Variants in MUC12 observed in about 807,000 individuals in gnomAD.
MUC12 encodes the protein mucin 12, cell surface associated.
MUC12 carries 172 observed loss-of-function variants against 230.8 expected under a neutral mutation model. The observed-to-expected ratio is 0.75, with a 90% CI of 0.66 to 0.85. MUC12 has a LOEUF of 0.85. MUC12 is among the 40% of genes least tolerant of loss of function. The pLI is 0.00. For synonymous variants in MUC12, 1,259 were observed against 2,401.9 expected (o/e 0.52, Z 13.91); for missense variants, 3,506 against 5,920.6 (o/e 0.59, Z 13.38).
chr7:100,970,813 C>T (rs1251560719), intron 1 of MUC12, among the ~76,000 whole-genome samples: 3 of 152,008 alleles, frequency 2.0e-5, no homozygotes, highest in South Asian at 2.1e-4. Flanking sequence ...CTGGCTAACA[C>T]GGTGAAACCC....
Position 100,991,720 on chromosome 7 carries a change from C to A in MUC12, c.1157C>A (p.Ser386Ter). The A allele has an allele frequency of 1.3e-6, 2 of 1,538,004 alleles. No homozygotes were observed. Among genetic ancestry groups the A allele is most frequent in the Non-Finnish European group, 8.7e-7 (1 of 1,147,078 alleles). The change falls in exon 2 of 12, where the codon TCA (serine) becomes TAA (stop). Residue 386 changes from serine (S) to a stop codon, truncating the protein, a stop_gained. Transcript: ENST00000536621. LOFTEE classifies it high-confidence loss of function. ...SSTTSGHSEE[S>*]ATFHGSTTHT... is the part of the protein sequence containing the mutation. ...ACAACTTCAGGCCATAGTGAAGAAT[C>A]AGCAACTTTCCACGGCAGCACAACA...
intron 1 of MUC12, among the ~76,000 whole-genome samples, chr7:100,977,128 T>G (rs140830687): frequency 3.3e-5 from 5 of 150,444 alleles, no homozygotes; most frequent in African/African-American, 1.2e-4. Context: ...GAGTCAGGAT[T>G]TGAACCTAAG....
In MUC12 at chr7:100,997,289, C is replaced by T; in HGVS notation, c.6726C>T (p.Thr2242=). ...TTPGLSEEST[T]VYSSSPGSTE... is the part of the protein sequence containing the mutation. ...CAGGCCTCAGTGAGGAATCTACCAC[C>T]GTCTACAGCAGCAGCCCAGGCTCAA... is the stretch of plus-strand genomic sequence containing the variant. Residue 2242 remains threonine (T), a synonymous_variant, in exon 2 of 12, where the codon ACC becomes ACT. Transcript: ENST00000536621. 2.5e-5 allele frequency: 6 copies of T among 238,756 alleles called. 1 individual carries two copies. Among genetic ancestry groups the T allele is most frequent in the Admixed American group, 3.1e-4 (1 of 3,240 alleles). The allele number at this position is 238,756 out of a possible 1,614,324, so 14.8% of individuals were successfully genotyped here.
chr7:100,992,496 C>G lies in MUC12; in HGVS notation c.1933C>G (p.Pro645Ala). ...HSWPSSKDTR[P>A]APPTTTSAFV... ...CTGGCCAAGCTCAAAGGACACTAGG[C>G]CTGCACCTCCTACTACCACATCAGC... Residue 645 changes from proline (P) to alanine (A), a missense_variant, in exon 2 of 12, where the codon CCT becomes GCT. By Grantham distance (27) the Pro-to-Ala change is conservative. Coordinates refer to ENST00000536621, the MANE Select transcript of MUC12 (RefSeq NM_001164462.2). The G allele has an allele frequency of 6.5e-7, 1 of 1,537,932 alleles. No individual in the cohort carries two copies. The highest frequency in any genetic ancestry group is 8.7e-7 in the Non-Finnish European group (1 of 1,147,046).
At chr7:100,990,083 G>A (rs1793254682) in intron 1 of MUC12, among the ~76,000 whole-genome samples, 1 of 152,186 alleles carries the variant, frequency 6.6e-6, no homozygotes, top group African/African-American at 2.4e-5. Flanking sequence ...TTCCACAGAA[G>A]GCACAAGGGT....
At chr7:100,986,984 C>A (rs191993296) in intron 1 of MUC12, among the ~76,000 whole-genome samples, 3 of 151,838 alleles carry the variant, frequency 2.0e-5, no homozygotes, top group Admixed American at 6.6e-5. Context: ...AAAATGGAAT[C>A]CTACACGTAC....
chr7:101,006,563 T>A lies in MUC12; in HGVS notation c.15049T>A (p.Phe5017Ile). 1 of 1,536,132 alleles carries A rather than the reference T, an allele frequency of 6.5e-7. No individual in the cohort carries two copies. The highest frequency in any genetic ancestry group is 8.7e-7 in the Non-Finnish European group (1 of 1,145,888). Residue 5017 changes from phenylalanine to isoleucine, a missense_variant, in exon 3 of 12, where the codon TTC (phenylalanine) becomes ATC (isoleucine). Physicochemically the swap from Phe to Ile is conservative, Grantham distance 21 (BLOSUM62 0). Coordinates refer to ENST00000536621, the MANE Select transcript of MUC12 (RefSeq NM_001164462.2). ...CCAGTGCTTGTCCCCTCTGGAATCCTTCCCTGTAGGTAATGACCTTTTCTG... is the reference window on the plus strand; with the variant it reads ...CCAGTGCTTGTCCCCTCTGGAATCCATCCCTGTAGGTAATGACCTTTTCTG... ...GYQCLSPLES[F>I]PVETPEKLNA...
chr7:100,975,752 A>G (rs1793019922), intron 1 of MUC12, among the ~76,000 whole-genome samples: 1 of 152,360 alleles, frequency 6.6e-6, no homozygotes, highest in East Asian at 1.9e-4. Context: ...GGAAGGAAGT[A>G]TTATATTAAC....
In MUC12 at chr7:100,992,873, G is replaced by C. The variant is rs369160385; in HGVS notation, c.2310G>C (p.Ser770=). Residue 770 remains serine, a synonymous_variant, in exon 2 of 12, where the codon TCG becomes TCC. Transcript: ENST00000536621. The part of the protein sequence containing the change: ...TSGRSEESTA[S]HSSQDATGTI... ...GCCGTAGTGAGGAATCAACAGCATC[G>C]CACAGCAGCCAAGACGCAACGGGAA... 5.3e-4 allele frequency: 807 copies of C among 1,534,260 alleles called. 3 individuals carry two copies. Among genetic ancestry groups the C allele is most frequent in the East Asian group, 2.5e-3 (100 of 40,418 alleles).
At position 100,991,492 on chromosome 7, in the gene MUC12, G is replaced by T; in HGVS notation, c.929G>T (p.Ser310Ile). Residue 310 changes from serine to isoleucine, a missense_variant, in exon 2 of 12, where the codon AGC becomes ATC. Physicochemically the swap from Ser to Ile is moderately radical, Grantham distance 142. Coordinates refer to ENST00000536621, the MANE Select transcript of MUC12 (RefSeq NM_001164462.2). ...TCTACAACTTATCACAGCAGCCCGA[G>T]CTCAACTCCAACAACCCACTTTTCT... ...KLSTTYHSSP[S>I]STPTTHFSAS... The T allele has an allele frequency of 6.5e-7, 1 of 1,537,238 alleles. No individual in the cohort carries two copies. The highest frequency in any genetic ancestry group is 8.7e-7 in the Non-Finnish European group (1 of 1,146,696).
intron 1 of MUC12, among the ~76,000 whole-genome samples, chr7:100,977,852 G>A (rs1036897114): frequency 2.0e-5 from 3 of 152,200 alleles, no homozygotes; most frequent in East Asian, 3.9e-4. Flanking sequence ...ACAAGCGTGA[G>A]CCACCGTGCC....
Position 100,990,582 on chromosome 7 carries a change from G to A in MUC12, c.68-49G>A, listed in dbSNP as rs963211008. On this transcript the variant is annotated intron_variant, in intron 1 of 11. Coordinates refer to ENST00000536621, the MANE Select transcript of MUC12 (RefSeq NM_001164462.2). ...AGAATTGACTGCCACCAAACATGAGGAGACAGTCATAAATCATAGCACTTT... is the reference window on the plus strand; with the variant it reads ...AGAATTGACTGCCACCAAACATGAGAAGACAGTCATAAATCATAGCACTTT... 6.5e-6 allele frequency: 10 copies of A among 1,534,222 alleles called. No individual in the cohort carries two copies. In the African/African-American group the frequency reaches 1.2e-4, roughly 19 times the overall value.
intron 8 of MUC12, among the ~76,000 whole-genome samples, chr7:101,013,660 G>A (rs1793873598): frequency 6.6e-6 from 1 of 152,110 alleles, no homozygotes; most frequent in African/African-American, 2.4e-5. Flanking sequence ...TGTCTGGGAC[G>A]AGACACCCAA....
At position 101,004,739 on chromosome 7, in the gene MUC12, G is replaced by A. The variant is rs1276921723; in HGVS notation, c.14176G>A (p.Ala4726Thr). 1.3e-6 allele frequency: 2 copies of A among 1,536,680 alleles called. No homozygotes were observed. Among genetic ancestry groups the A allele is most frequent in the African/African-American group, 1.4e-5 (1 of 72,930 alleles). ...ISPGSMETTL[A>T]STATTPGLSA... ...TCCAGGCTCAATGGAAACAACATTA[G>A]CCAGCACTGCCACAACACCAGGCCT... Residue 4726 changes from alanine to threonine, a missense_variant, in exon 2 of 12, where the codon GCC (alanine) becomes ACC (threonine). Transcript: ENST00000536621.
intron 1 of MUC12, among the ~76,000 whole-genome samples, chr7:100,990,123 C>T (rs969405396): frequency 4.6e-5 from 7 of 152,220 alleles, no homozygotes; most frequent in African/African-American, 7.2e-5. Flanking sequence ...CCCCCTGGCC[C>T]CAGACCAGAA....
At chr7:101,005,739 C>T (rs184561019) in intron 2 of MUC12, among the ~76,000 whole-genome samples, 3 of 152,198 alleles carry the variant, frequency 2.0e-5, no homozygotes, top group East Asian at 3.9e-4. Flanking sequence ...TCCTCTATGA[C>T]TCCAGGGTGG....
chr7:100,985,263 T>C (rs972655900), intron 1 of MUC12, among the ~76,000 whole-genome samples: 3 of 152,152 alleles, frequency 2.0e-5, no homozygotes, highest in Admixed American at 2.0e-4. Context: ...GAAGCTGTCT[T>C]CTTGCACTGA....
At position 100,990,826 on chromosome 7, in the gene MUC12, C is replaced by A. The variant is rs1390578193; in HGVS notation, c.263C>A (p.Pro88Gln). The A allele has an allele frequency of 6.5e-7, 1 of 1,537,812 alleles. No homozygotes were observed. Among genetic ancestry groups the A allele is most frequent in the Admixed American group, 2.0e-5 (1 of 50,998 alleles). Residue 88 changes from proline to glutamine, a missense_variant, in exon 2 of 12, where the codon CCA (proline) becomes CAA (glutamine). Physicochemically the swap from Pro to Gln is moderately conservative, Grantham distance 76. Coordinates refer to ENST00000536621, the MANE Select transcript of MUC12 (RefSeq NM_001164462.2). ...GAATCAACAGTATCCCACAGCGGCC[C>A]AGGTGCAACTGGAACAACACTCTTC... The part of the protein sequence containing the change: ...SEESTVSHSG[P>Q]GATGTTLFPS...
chr7:100,979,798 A>G (rs965967835), intron 1 of MUC12, among the ~76,000 whole-genome samples: 6 of 107,604 alleles, frequency 5.6e-5, no homozygotes, highest in African/African-American at 1.6e-4. Context: ...ATAAAGTAAA[A>G]TAACATGTAT....
Sources: gnomAD v4.1 joint callset for allele counts (sites outside exome capture counted in the v4.1 genomes callset) on GRCh38, gnomAD v4.1.1 for gene constraint, MANE v1.5 for transcripts, NCBI Gene and HGNC (gene_info 2026-07-23, HGNC 2026-07-21) for gene names.